ACACA: variants seen among roughly 807,000 people sequenced by gnomAD.
ACACA encodes the protein acetyl-CoA carboxylase 1.
In ACACA, 103 loss-of-function variants were observed where a neutral mutation model predicts 296.1. The observed-to-expected ratio is 0.35, with a 90% confidence interval of 0.30 to 0.41. The LOEUF (loss-of-function observed/expected upper bound fraction) is 0.41, where lower values mean the gene tolerates loss of function less well. Among genes scored for constraint, ACACA ranks in the 10% least tolerant of loss-of-function variants. The probability of loss-of-function intolerance (pLI) is 1.00; values close to 1 mark genes in which losing one functional copy is unlikely to be tolerated. For missense variants in ACACA, 1,554 were observed against 2,989.7 expected, an observed-to-expected ratio of 0.52 and a Z score of 11.20; for synonymous variants, 953 against 1,038.6, an observed-to-expected ratio of 0.92 and a Z score of 1.58.
chr17:37,259,885 T>G (rs929978482), intron 11 of ACACA, among the ~76,000 whole-genome samples: 7 of 151,052 alleles, frequency 4.6e-5, no homozygotes, highest in African/African-American at 1.7e-4. Flanking sequence ...ACTAGATTTT[T>G]TTTTTTTTTT....
intron 1 of ACACA, chr17:37,379,043 G>A: frequency 7.1e-7 from 1 of 1,416,188 alleles, no homozygotes; most frequent in Non-Finnish European, 9.4e-7. Flanking sequence ...CTGCACTCCA[G>A]CTTGGGTGAC....
At chr17:37,090,109 G>A (rs919109375) in intron 54 of ACACA, among the ~76,000 whole-genome samples, 2 of 152,174 alleles carry the variant, frequency 1.3e-5, no homozygotes, top group African/African-American at 4.8e-5. Context: ...TTGAGACGTG[G>A]CTACAGGAAG....
chr17:37,387,656 G>A (rs911012943), intron 1 of ACACA: 12 of 151,894 alleles, frequency 7.9e-5, no homozygotes, highest in African/African-American at 2.9e-4. Flanking sequence ...ATGTTGGCCA[G>A]GCTGGTCTCA....
intron 10 of ACACA, among the ~76,000 whole-genome samples, chr17:37,269,993 C>A (rs1057428182): frequency 6.6e-6 from 1 of 152,136 alleles, no homozygotes; most frequent in African/African-American, 2.4e-5. Flanking sequence ...AAAAGAGACC[C>A]CTGTCTCCCT....
intron 42 of ACACA, among the ~76,000 whole-genome samples, chr17:37,156,228 T>A (rs1005522985): frequency 6.6e-6 from 1 of 151,946 alleles, no homozygotes; most frequent in Non-Finnish European, 1.5e-5. Context: ...CTCGCCTGGC[T>A]AATTTTTTGT....
At chr17:37,309,611 G>C (rs1404704602) in intron 3 of ACACA, among the ~76,000 whole-genome samples, 1 of 152,116 alleles carries the variant, frequency 6.6e-6, no homozygotes, top group Non-Finnish European at 1.5e-5. Flanking sequence ...CTAGGCATAA[G>C]GACCAGTGCA....
At chr17:37,215,085 G>C (rs1345379062) in intron 29 of ACACA, among the ~76,000 whole-genome samples, 1 of 152,158 alleles carries the variant, frequency 6.6e-6, no homozygotes, top group Non-Finnish European at 1.5e-5. Flanking sequence ...CCTAAACTCA[G>C]CCATGACCAA....
intron 14 of ACACA, among the ~76,000 whole-genome samples, chr17:37,257,143 T>C (rs1250090858): frequency 2.0e-5 from 3 of 152,210 alleles, no homozygotes; most frequent in Non-Finnish European, 4.4e-5. Context: ...AGCTGTTATA[T>C]ACAGCATGCT....
intron 29 of ACACA, among the ~76,000 whole-genome samples, chr17:37,214,798 T>C (rs2078911695): frequency 6.6e-6 from 1 of 152,194 alleles, no homozygotes; most frequent in Non-Finnish European, 1.5e-5. Flanking sequence ...GCAAGCACTG[T>C]AAGATTTCAT....
rs1285492801 is a variant in ACACA, at chr17:37,165,112, TCCCCACCCCGCCCCGCCC to T, written c.5080-3080_5080-3063del. ...CAAAGTATGTTGCTCATCGACCGCC[TCCCCACCCCGCCCCGCCC>T]CCCATCTTAAAAAGTACCATTACAG... On this transcript the variant is annotated intron_variant, in intron 41 of 55. Transcript: ENST00000616317. Among the ~76,000 whole-genome samples, 9 of 149,274 alleles carry T rather than the reference TCCCCACCCCGCCCCGCCC, an allele frequency of 6.0e-5. No homozygotes were observed. The South Asian group carries it at 1.3e-3, about 21-fold the overall frequency.
rs73982279 is a variant in ACACA, at chr17:37,228,460, A to T, written c.3247-2008T>A. Among the ~76,000 whole-genome samples, 169 of 152,250 alleles carry T rather than the reference A, an allele frequency of 1.1e-3. 1 individual carries two copies. Among genetic ancestry groups the T allele is most frequent in the African/African-American group, 4.0e-3 (166 of 41,552 alleles). On this transcript the variant is annotated intron_variant, in intron 25 of 55. Coordinates refer to ENST00000616317, the MANE Select transcript of ACACA (RefSeq NM_198834.3). ...TTGAACAGGTAGCACAGATTAGAGA[A>T]TCTGTTCTACCTATCCTAGGCATAA... is the stretch of plus-strand genomic sequence containing the variant.
intron 3 of ACACA, among the ~76,000 whole-genome samples, chr17:37,314,439 A>T (rs1303874770): frequency 6.6e-6 from 1 of 152,006 alleles, no homozygotes; most frequent in East Asian, 1.9e-4. Flanking sequence ...TTCCATTTGT[A>T]CAACTTTAAT....
chr17:37,381,789 A>G (rs542046178), intron 1 of ACACA, among the ~76,000 whole-genome samples: 18 of 151,480 alleles, frequency 1.2e-4, no homozygotes, highest in East Asian at 1.2e-3. Context: ...CACCACACCC[A>G]GTTAATTTTT....
rs990950707 is a variant in ACACA, at chr17:37,365,350, T to C, written c.39-25500A>G. On this transcript the variant is annotated intron_variant, in intron 1 of 55. Transcript: ENST00000616317. ...TCCTGAAGGCAGAGACCATCTCTTATAGTTTGCTACCCCCTTTTATAGCTC... is the reference window on the plus strand; with the variant it reads ...TCCTGAAGGCAGAGACCATCTCTTACAGTTTGCTACCCCCTTTTATAGCTC... 21 of 691,902 alleles carry C rather than the reference T, an allele frequency of 3.0e-5. No homozygotes were observed. In the East Asian group the frequency reaches 5.4e-4, roughly 18 times the overall value. The allele number at this position is 691,902 out of a possible 1,614,324, so 42.9% of individuals were successfully genotyped here. A position where few individuals can be genotyped will look rare whatever the true frequency, so the allele number is the denominator to read the frequency against.
chr17:37,222,079 T>G (rs921569104), intron 28 of ACACA: 1 of 551,184 alleles, frequency 1.8e-6, no homozygotes, highest in African/African-American at 1.9e-5. Context: ...GACACCTATG[T>G]GCACTGTAAA....
chr17:37,163,853 T>A (rs1567746981), intron 41 of ACACA, among the ~76,000 whole-genome samples: 1 of 152,174 alleles, frequency 6.6e-6, no homozygotes, highest in South Asian at 2.1e-4. Context: ...AGGTGACATG[T>A]CTCTTCCCAA....
At chr17:37,286,278 G>A (rs913172925) in intron 3 of ACACA, among the ~76,000 whole-genome samples, 1 of 152,148 alleles carries the variant, frequency 6.6e-6, no homozygotes, top group South Asian at 2.1e-4. Flanking sequence ...ATATGATAGT[G>A]GAAACAGCAC....
At chr17:37,381,774 CT>C (rs2050281741) in intron 1 of ACACA, among the ~76,000 whole-genome samples, 1 of 151,652 alleles carries the variant, frequency 6.6e-6, no homozygotes, top group African/African-American at 2.4e-5. Context: ...ACTACAGGCA[CT>C]CGCCACCACA....
chr17:37,260,294 A>ATT (rs2081440599), intron 11 of ACACA, among the ~76,000 whole-genome samples: 1 of 14,706 alleles, frequency 6.8e-5, no homozygotes. Flanking sequence ...ATATATATAT[A>ATT]TATTTTTTTT....
Sources: allele counts gnomAD v4.1 joint callset (sites outside exome capture counted in the v4.1 genomes callset), GRCh38; gene constraint gnomAD v4.1.1; transcripts MANE v1.5; gene names NCBI Gene and HGNC (gene_info 2026-07-23, HGNC 2026-07-21).